The following NME9 variants were observed in gnomAD, a reference collection of about 807,000 sequenced individuals.
NME9 encodes NME/NM23 family member 9.
A neutral mutation model predicts 44.4 loss-of-function variants in NME9; 48 were observed. That is an observed-to-expected ratio of 1.08 (90% CI 0.86 to 1.37). The LOEUF (loss-of-function observed/expected upper bound fraction) is 1.37, where lower values mean the gene tolerates loss of function less well. NME9 is among the 40% of genes most tolerant of loss of function. The probability of loss-of-function intolerance (pLI) is 0.00; values close to 1 mark genes in which losing one functional copy is unlikely to be tolerated. For missense variants in NME9, 325 were observed against 405.2 expected, an observed-to-expected ratio of 0.80 and a Z score of 1.70; for synonymous variants, 139 against 147.1, an observed-to-expected ratio of 0.94 and a Z score of 0.40.
At chr3:138,264,057 A>T (rs2048015932) in intron 8 of NME9, 6 of 1,393,690 alleles carry the variant, frequency 4.3e-6, no homozygotes, top group Admixed American at 3.5e-5. Flanking sequence ...TAGTCATTGT[A>T]AAATGCCAGC....
At chr3:138,275,393 TAAAA>T (rs1308864336) in intron 8 of NME9, among the ~76,000 whole-genome samples, 1 of 151,828 alleles carries the variant, frequency 6.6e-6, no homozygotes, top group Non-Finnish European at 1.5e-5. Flanking sequence ...CCATCTCTAC[TAAAA>T]AAATACAAAA....
chr3:138,315,809 C>G (rs960392884), intron 4 of NME9, among the ~76,000 whole-genome samples, 166 bp from the exon 5 acceptor site: 1 of 152,082 alleles, frequency 6.6e-6, no homozygotes, highest in Non-Finnish European at 1.5e-5. Flanking sequence ...ACCCTCAGGT[C>G]TGCTCCTAGG....
At chr3:138,303,249 TA>T in intron 10 of NME9, 1 of 361,350 alleles carries the variant, frequency 2.8e-6, no homozygotes, top group Non-Finnish European at 5.1e-6. Flanking sequence ...GTACTTTTTG[TA>T]ACAAAAATAT....
intron 8 of NME9, chr3:138,274,583 G>A: frequency 9.4e-6 from 14 of 1,485,800 alleles, no homozygotes; most frequent in Non-Finnish European, 1.3e-5. Context: ...TTTTCTGAAT[G>A]TGAGCACAAA....
intron 8 of NME9, chr3:138,270,219 TC>T: frequency 9.4e-7 from 1 of 1,060,524 alleles, no homozygotes; most frequent in Non-Finnish European, 1.4e-6. Flanking sequence ...ATTTGAAATG[TC>T]TGGAATTTTC....
intron 8 of NME9, among the ~76,000 whole-genome samples, chr3:138,281,744 T>G (rs1327156307): frequency 6.6e-6 from 1 of 152,190 alleles, no homozygotes; most frequent in African/African-American, 2.4e-5. Context: ...GGGGAATTAC[T>G]CACCTGTCTT....
At chr3:138,307,618 AAG>A (rs2052371155) in intron 6 of NME9, among the ~76,000 whole-genome samples, 2 of 152,226 alleles carry the variant, frequency 1.3e-5, no homozygotes, top group South Asian at 4.1e-4. Context: ...TTTAGATTTT[AAG>A]AGAGTTTTAC....
Position 138,329,351 on chromosome 3 carries a change from A to G in NME9, c.-16T>C. On this transcript the variant is annotated 5_prime_UTR_variant, in exon 1 of 11. Coordinates refer to ENST00000333911, the MANE Select transcript of NME9 (RefSeq NM_001349018.2). ...TGCTGCCCATGGCTCTGCAAAGAAG[A>G]CGAAGCCCTGTTACCGCGGCCGTGG... 1 of 1,536,028 alleles carries G rather than the reference A, an allele frequency of 6.5e-7. No individual in the cohort carries two copies. Among genetic ancestry groups the G allele is most frequent in the South Asian group, 1.2e-5 (1 of 84,026 alleles).
chr3:138,323,830 T>C (rs772808569), intron 2 of NME9, among the ~76,000 whole-genome samples: 2 of 152,064 alleles, frequency 1.3e-5, no homozygotes, highest in African/African-American at 2.4e-5. Flanking sequence ...CTACAGTGAA[T>C]GAGAAAGAGA....
rs991399286 is a variant in NME9 at position 138,263,504 on chromosome 3, A to G, written c.746-918T>C. On this transcript the variant is annotated intron_variant, in intron 8 of 8. Coordinates refer to the NME9 transcript ENST00000317876. ...TTTTGTGTTAAATGTCTTTAAAAATAAACAACATAACCTGCCCCTTACGCC... is the reference window on the plus strand; with the variant it reads ...TTTTGTGTTAAATGTCTTTAAAAATGAACAACATAACCTGCCCCTTACGCC... 3 of 535,642 alleles carry G rather than the reference A, an allele frequency of 5.6e-6. No individual in the cohort carries two copies. The African/African-American group carries it at 5.7e-5, about 10-fold the overall frequency. The allele number at this position is 535,642 out of a possible 1,614,324, so 33.2% of individuals were successfully genotyped here.
At position 138,306,008 on chromosome 3, in the gene NME9, C is replaced by G; in HGVS notation, c.632G>C (p.Gly211Ala). ...EVRLFYQHKA[G>A]EEAFEKLVHH... ...TGTGGAAGTAGATGAGCTGACCTCT[C>G]CAGCTTTGTGTTGGTAGAAAAGTCG... Residue 211 changes from glycine to alanine, a missense_variant, in exon 8 of 11, where the codon GGA (glycine) becomes GCA (alanine). Gly to Ala is a moderately conservative substitution (Grantham distance 60). Coordinates refer to ENST00000333911, the MANE Select transcript of NME9 (RefSeq NM_001349018.2). 1 of 1,606,210 alleles carries G rather than the reference C, an allele frequency of 6.2e-7. No homozygotes were observed. Among genetic ancestry groups the G allele is most frequent in the Non-Finnish European group, 8.5e-7 (1 of 1,172,806 alleles).
At chr3:138,285,204 A>G (rs2050292003) in intron 8 of NME9, among the ~76,000 whole-genome samples, 3 of 152,136 alleles carry the variant, frequency 2.0e-5, no homozygotes, top group Middle Eastern at 3.2e-3. Flanking sequence ...CTCATTCTCC[A>G]TGAGAATATA....
intron 3 of NME9, 102 bp from the exon 4 acceptor site, chr3:138,318,321 C>G: frequency 1.3e-6 from 1 of 776,896 alleles, no homozygotes; most frequent in Non-Finnish European, 2.3e-6. Context: ...CCAGGACTGA[C>G]TTCCCCAGGT....
chr3:138,302,005 T>A (rs776439167), intron 10 of NME9, among the ~76,000 whole-genome samples: 31 of 152,220 alleles, frequency 2.0e-4, no homozygotes, highest in Admixed American at 3.3e-4. Context: ...TATCATTATC[T>A]CCATTTCACA....
At chr3:138,272,460 T>A (rs1303758962) in intron 8 of NME9, among the ~76,000 whole-genome samples, 3 of 151,738 alleles carry the variant, frequency 2.0e-5, no homozygotes, top group African/African-American at 7.3e-5. Context: ...CATGTAGAAG[T>A]ATATCTAAGA....
At chr3:138,267,323 A>C in intron 8 of NME9, 1 of 818,210 alleles carries the variant, frequency 1.2e-6, no homozygotes, top group Non-Finnish European at 1.9e-6. Flanking sequence ...GTTGACATTG[A>C]AATCTGTGGG....
intron 8 of NME9, among the ~76,000 whole-genome samples, chr3:138,262,762 GT>G (rs2047882128): frequency 6.6e-6 from 1 of 152,098 alleles, no homozygotes; most frequent in African/African-American, 2.4e-5. Flanking sequence ...ATTCTCCCAG[GT>G]GAGAGTAACG....
chr3:138,319,610 C>G (rs768980156), intron 2 of NME9, 29 bp from the exon 3 acceptor site: 21 of 1,129,706 alleles, frequency 1.9e-5, no homozygotes, highest in Admixed American at 5.1e-5. Flanking sequence ...CAGGAACATT[C>G]AGTAGACGCC....
At chr3:138,276,382 T>G (rs954737034) in intron 8 of NME9, among the ~76,000 whole-genome samples, 11 of 152,242 alleles carry the variant, frequency 7.2e-5, no homozygotes, top group African/African-American at 2.4e-4. Flanking sequence ...AAAACATATG[T>G]ATCACTGCCC....
Sources: gnomAD v4.1 joint callset for allele counts (sites outside exome capture counted in the v4.1 genomes callset) on GRCh38, gnomAD v4.1.1 for gene constraint, MANE v1.5 for transcripts, NCBI Gene and HGNC (gene_info 2026-07-23, HGNC 2026-07-21) for gene names.